Variants in C3orf52 observed in about 807,000 individuals in gnomAD.
C3orf52 encodes TPA-induced transmembrane protein.
C3orf52 carries 22 observed loss-of-function variants against 24.8 expected under a neutral mutation model. The ratio of observed to expected loss-of-function variants is 0.89; its 90% CI spans 0.63 to 1.27. C3orf52 has a LOEUF of 1.27. C3orf52 is among the 50% of genes most tolerant of loss of function. The pLI is 0.00. For missense variants in C3orf52, 265 were observed against 260.7 expected, an observed-to-expected ratio of 1.02 and a Z score of -0.11; for synonymous variants, 93 against 100.2, an observed-to-expected ratio of 0.93 and a Z score of 0.43.
At chr3:112,109,016 T>G (rs552318940) in intron 3 of C3orf52, among the ~76,000 whole-genome samples, 1 of 152,324 alleles carries the variant, frequency 6.6e-6, no homozygotes, top group East Asian at 1.9e-4. Context: ...GCTTGCAATA[T>G]TTCATGCATA....
downstream of C3orf52, among the ~76,000 whole-genome samples, chr3:112,131,784 A>G (rs2074459101): frequency 6.6e-6 from 1 of 152,252 alleles, no homozygotes; most frequent in Admixed American, 6.5e-5. Flanking sequence ...GTCTTATCTT[A>G]GGAAGAGCAA....
intron 2 of C3orf52, among the ~76,000 whole-genome samples, chr3:112,097,561 T>C (rs1367894095): frequency 6.6e-6 from 1 of 152,188 alleles, no homozygotes; most frequent in Non-Finnish European, 1.5e-5. Flanking sequence ...TTTTATGATG[T>C]CATGTGGTTC....
chr3:112,109,483 G>A, intron 3 of C3orf52, 60 bp from the exon 4 acceptor site: 1 of 1,080,230 alleles, frequency 9.3e-7, no homozygotes, highest in South Asian at 1.4e-5. Flanking sequence ...GCTTTGTCAG[G>A]TGATGTGTAA....
intron 1 of C3orf52, among the ~76,000 whole-genome samples, chr3:112,092,241 A>G (rs1210303905): frequency 6.6e-6 from 1 of 152,194 alleles, no homozygotes; most frequent in East Asian, 1.9e-4. Flanking sequence ...TACTATTTAT[A>G]TATTTTAAAG....
downstream of C3orf52, among the ~76,000 whole-genome samples, chr3:112,131,851 C>T (rs570277192): frequency 1.3e-5 from 2 of 151,964 alleles, no homozygotes; most frequent in South Asian, 2.1e-4. Context: ...GATTTAAAAT[C>T]GAATTTTCTT....
chr3:112,097,501 C>T (rs1226182640), intron 2 of C3orf52, among the ~76,000 whole-genome samples: 1 of 152,030 alleles, frequency 6.6e-6, no homozygotes, highest in Non-Finnish European at 1.5e-5. Flanking sequence ...TCCTAAGTGA[C>T]GTTGTGTTGA....
chr3:112,102,444 C>A (rs2107781701), intron 2 of C3orf52, among the ~76,000 whole-genome samples: 1 of 152,308 alleles, frequency 6.6e-6, no homozygotes, highest in South Asian at 2.1e-4. Context: ...TTCCTGCACA[C>A]CCTGGGGCTC....
intron 1 of C3orf52, among the ~76,000 whole-genome samples, chr3:112,089,582 C>T (rs939142305): frequency 6.6e-6 from 1 of 150,954 alleles, no homozygotes; most frequent in South Asian, 2.1e-4. Flanking sequence ...TAAAAATTAG[C>T]TCCATTGCCA....
intron 3 of C3orf52, among the ~76,000 whole-genome samples, chr3:112,105,595 C>T (rs1388528064): frequency 1.3e-5 from 2 of 149,650 alleles, no homozygotes; most frequent in Admixed American, 1.3e-4. Context: ...CAATTATCTG[C>T]CACCAGCTGG....
At chr3:112,133,133 CT>C, downstream of C3orf52, 1 of 1,613,876 alleles carries the variant, frequency 6.2e-7, no homozygotes, top group African/African-American at 1.3e-5. Flanking sequence ...TCTCAGTCCT[CT>C]CAGGGCTTCC....
In C3orf52 at chr3:112,112,919, C is replaced by G. The variant is rs529730268; in HGVS notation, c.468-45C>G. On this transcript the variant is annotated intron_variant, in intron 4 of 5. Coordinates refer to ENST00000264848, the MANE Select transcript of C3orf52 (RefSeq NM_024616.3). ...TTGCTTAAATTCATTTCTTGAGTTGCAGTATGATGCTGTTTATGTTTTAAT... is the reference window on the plus strand; with the variant it reads ...TTGCTTAAATTCATTTCTTGAGTTGGAGTATGATGCTGTTTATGTTTTAAT... 3 of 1,449,620 alleles carry G rather than the reference C, an allele frequency of 2.1e-6. No individual in the cohort carries two copies. In the African/African-American group the frequency reaches 4.2e-5, roughly 20 times the overall value. The allele number at this position is 1,449,620 out of a possible 1,614,324, so 89.8% of individuals were successfully genotyped here. A position where few individuals can be genotyped will look rare whatever the true frequency, so the allele number is the denominator to read the frequency against.
chr3:112,092,299 C>T (rs1175931686), intron 1 of C3orf52, among the ~76,000 whole-genome samples: 2 of 152,186 alleles, frequency 1.3e-5, no homozygotes, highest in Admixed American at 6.5e-5. Flanking sequence ...TTAAAGCCAC[C>T]TTGCCTTTAA....
chr3:112,116,250 G>GGGTTCAC (rs2074132489), intron 5 of C3orf52, among the ~76,000 whole-genome samples: 1 of 152,088 alleles, frequency 6.6e-6, no homozygotes, highest in African/African-American at 2.4e-5. Flanking sequence ...CTGTGCCCTA[G>GGGTTCAC]GGTTCACACC....
At chr3:112,090,089 C>T (rs1349226853) in intron 1 of C3orf52, among the ~76,000 whole-genome samples, 1 of 152,088 alleles carries the variant, frequency 6.6e-6, no homozygotes, top group Non-Finnish European at 1.5e-5. Context: ...TCTTCATGAT[C>T]CAGTTTTGAG....
intron 5 of C3orf52, among the ~76,000 whole-genome samples, chr3:112,114,878 A>G (rs995325896): frequency 6.6e-6 from 1 of 152,132 alleles, no homozygotes; most frequent in African/African-American, 2.4e-5. Context: ...GTCTGAGGAA[A>G]GGTTTAAGAG....
At chr3:112,135,341 TAAAAC>T (rs918730141), downstream of C3orf52, 7 of 152,244 alleles carry the variant, frequency 4.6e-5, no homozygotes, top group Non-Finnish European at 1.0e-4. Flanking sequence ...TTGAAAGAAA[TAAAAC>T]AAAGTGCAAA....
Position 112,113,292 on chromosome 3 carries a change from G to A in C3orf52, c.649+147G>A, listed in dbSNP as rs2074104104. 1.6e-5 allele frequency: 10 copies of A among 635,898 alleles called. No individual in the cohort carries two copies. The East Asian group carries it at 2.5e-4, about 16-fold the overall frequency. 39.4% of individuals were successfully genotyped at this position (635,898 alleles called of 1,614,324 possible). On this transcript the variant is annotated intron_variant, in intron 5 of 5. Transcript: ENST00000264848. ...TTATTCACTCATCCCCTCAGCAGATGGTGTTGCTGTGAGGTGATGTTCCCC... is the reference window on the plus strand; with the variant it reads ...TTATTCACTCATCCCCTCAGCAGATAGTGTTGCTGTGAGGTGATGTTCCCC...
At chr3:112,110,710 C>T (rs1231784780) in intron 4 of C3orf52, among the ~76,000 whole-genome samples, 1 of 152,150 alleles carries the variant, frequency 6.6e-6, no homozygotes, top group African/African-American at 2.4e-5. Context: ...TCCATTATGC[C>T]TGAGATGTCT....
Position 112,116,945 on chromosome 3 carries a change from T to C in C3orf52, c.*299T>C. 6.5e-7 allele frequency: 1 copy of C among 1,530,956 alleles called. No homozygotes were observed. 94.8% of individuals were successfully genotyped at this position (1,530,956 alleles called of 1,614,324 possible). ...TTGGAGGTCACTGGTATTCTGTTTG[T>C]TTTTGTTTTGTTTCGTTTTGTTTTT... On this transcript the variant is annotated 3_prime_UTR_variant, in exon 6 of 6. Transcript: ENST00000264848.
Sources: gnomAD v4.1 joint callset for allele counts (sites outside exome capture counted in the v4.1 genomes callset) on GRCh38, gnomAD v4.1.1 for gene constraint, MANE v1.5 for transcripts, NCBI Gene and HGNC (gene_info 2026-07-23, HGNC 2026-07-21) for gene names.